AGPAT4: variants seen among roughly 807,000 people sequenced by gnomAD.
AGPAT4 encodes the protein 1-acylglycerol-3-phosphate O-acyltransferase 4.
A neutral mutation model predicts 48.0 loss-of-function variants in AGPAT4; 15 were observed. That is an observed-to-expected ratio of 0.31 (90% CI 0.21 to 0.48). The LOEUF is 0.48. Ranked by LOEUF, AGPAT4 falls within the 20% of genes least tolerant of loss-of-function variation. AGPAT4 has a pLI of 0.99. For synonymous variants in AGPAT4, 178 were observed against 198.7 expected (o/e 0.90, Z 0.88); for missense variants, 314 against 482.5 (o/e 0.65, Z 3.27).
intron 2 of AGPAT4, among the ~76,000 whole-genome samples, chr6:161,224,514 T>A (rs924774504): frequency 2.0e-5 from 3 of 151,586 alleles, no homozygotes; most frequent in African/African-American, 7.3e-5. Context: ...CGGTGGCACC[T>A]GTCTGTAATC....
chr6:161,151,320 C>A (rs1402802173), intron 5 of AGPAT4, among the ~76,000 whole-genome samples: 1 of 152,244 alleles, frequency 6.6e-6, no homozygotes, highest in East Asian at 1.9e-4. Flanking sequence ...GCGTACAGGG[C>A]CTGGCGTGCC....
At chr6:161,252,422 T>C (rs1231996482) in intron 1 of AGPAT4, among the ~76,000 whole-genome samples, 1 of 152,212 alleles carries the variant, frequency 6.6e-6, no homozygotes, top group African/African-American at 2.4e-5. Context: ...TCAAATATAT[T>C]ATAAATGAAT....
In AGPAT4 at chr6:161,164,822, C is replaced by T. The variant is rs528138172; in HGVS notation, c.348+1426G>A. Among the ~76,000 whole-genome samples, 1 of 152,262 alleles carries T rather than the reference C, an allele frequency of 6.6e-6. No homozygotes were observed. Among genetic ancestry groups the T allele is most frequent in the African/African-American group, 2.4e-5 (1 of 41,554 alleles). On this transcript the variant is annotated intron_variant, in intron 3 of 8. Transcript: ENST00000320285. This position sits in a 1 kb window ranked among gnomAD's most constrained non-coding sequence, Gnocchi z 7.4. ...TGCTCTACCTCAGAGACTCCTGGTC[C>T]ACGAATTATGAATGTTTGCACATTC... is the stretch of plus-strand genomic sequence containing the variant.
At chr6:161,188,438 G>T (rs563644305) in intron 2 of AGPAT4, among the ~76,000 whole-genome samples, 1 of 152,306 alleles carries the variant, frequency 6.6e-6, no homozygotes, top group African/African-American at 2.4e-5. Flanking sequence ...CTTGTTTCAA[G>T]TGAAACTTCC....
chr6:161,271,445 G>A (rs1215567951), intron 1 of AGPAT4, among the ~76,000 whole-genome samples: 1 of 152,190 alleles, frequency 6.6e-6, no homozygotes, highest in Non-Finnish European at 1.5e-5. Context: ...AAGCTTGAGA[G>A]CACAGACTAC....
In AGPAT4 at chr6:161,171,376, G is replaced by A. The variant is rs986355463; in HGVS notation, c.179-4959C>T. 1.3e-5 allele frequency among the ~76,000 whole-genome samples: 2 copies of A among 152,142 alleles called. No individual in the cohort carries two copies. ...GTCCAAAGTCAAGAGGGCTGCATCT[G>A]GCAAGGTCCTTCTTGCTGTGTCATC... On this transcript the variant is annotated intron_variant, in intron 2 of 8. Coordinates refer to ENST00000320285, the MANE Select transcript of AGPAT4 (RefSeq NM_020133.3). The surrounding 1 kb of genome is among the most constrained non-coding windows in gnomAD (Gnocchi z 4.4).
Position 161,139,378 on chromosome 6 carries a change from G to T in AGPAT4, c.1042+44C>A. 1 of 1,601,358 alleles carries T rather than the reference G, an allele frequency of 6.2e-7. No homozygotes were observed. On this transcript the variant is annotated intron_variant, in intron 8 of 8. Coordinates refer to ENST00000320285, the MANE Select transcript of AGPAT4 (RefSeq NM_020133.3). The surrounding 1 kb of genome is among the most constrained non-coding windows in gnomAD (Gnocchi z 9.1). Reference sequence around the variant, plus strand: ...CCCAGCCCTGATGCCACCTCTCCCAGGGTGGTGCTGTCAGCACCCACCAGC... The same window carrying T: ...CCCAGCCCTGATGCCACCTCTCCCATGGTGGTGCTGTCAGCACCCACCAGC...
At chr6:161,179,569 A>C (rs1480569721) in intron 2 of AGPAT4, among the ~76,000 whole-genome samples, 1 of 152,132 alleles carries the variant, frequency 6.6e-6, no homozygotes, top group African/African-American at 2.4e-5. Context: ...TTTCTACTAC[A>C]TTTGACCTTT....
At chr6:161,237,729 C>T (rs1012009428) in intron 1 of AGPAT4, among the ~76,000 whole-genome samples, 4 of 152,158 alleles carry the variant, frequency 2.6e-5, no homozygotes, top group African/African-American at 9.7e-5. Context: ...GGCTGATCTC[C>T]TTTTCTTCTC....
At position 161,240,716 on chromosome 6, in the gene AGPAT4, C is replaced by T. The variant is rs1407420672; in HGVS notation, c.-89-8414G>A. Among the ~76,000 whole-genome samples the T allele has an allele frequency of 6.6e-6, 1 of 152,134 alleles. No individual in the cohort carries two copies. The highest frequency in any genetic ancestry group is 1.5e-5 in the Non-Finnish European group (1 of 68,026). On this transcript the variant is annotated intron_variant, in intron 1 of 8. Transcript: ENST00000320285. The surrounding 1 kb of genome is among the most constrained non-coding windows in gnomAD (Gnocchi z 5.5). Reference sequence around the variant, plus strand: ...AAGGAGGGAGCTGGTGTCCAGCACACACTACATTCAGATTGCCAGCACTCC... The same window carrying T: ...AAGGAGGGAGCTGGTGTCCAGCACATACTACATTCAGATTGCCAGCACTCC...
chr6:161,186,187 C>T (rs1780763329), intron 2 of AGPAT4, among the ~76,000 whole-genome samples: 1 of 152,170 alleles, frequency 6.6e-6, no homozygotes, highest in African/African-American at 2.4e-5. Context: ...ACCCCCATGC[C>T]TCAGTCTCCT....
In AGPAT4 at chr6:161,246,856, T is replaced by A. The variant is rs1033476808; in HGVS notation, c.-89-14554A>T. ...TCTAGATGACCTAACATAATTTAAT[T>A]TTCATAGTGGTAACACTGAACTGTC... On this transcript the variant is annotated intron_variant, in intron 1 of 8. Transcript: ENST00000320285. This position sits in a 1 kb window ranked among gnomAD's most constrained non-coding sequence, Gnocchi z 5.5. Among the ~76,000 whole-genome samples the A allele has an allele frequency of 6.6e-6, 1 of 152,228 alleles. No individual in the cohort carries two copies. The highest frequency in any genetic ancestry group is 2.4e-5 in the African/African-American group (1 of 41,456).
rs902844848 is a variant in AGPAT4, at chr6:161,201,192, ATTGGAGGC to A, written c.178+30836_178+30843del. Among the ~76,000 whole-genome samples the A allele has an allele frequency of 8.5e-5, 13 of 152,074 alleles. No individual in the cohort carries two copies. The highest frequency in any genetic ancestry group is 2.9e-4 in the African/African-American group (12 of 41,398). On this transcript the variant is annotated intron_variant, in intron 2 of 8. Coordinates refer to ENST00000320285, the MANE Select transcript of AGPAT4 (RefSeq NM_020133.3). The surrounding 1 kb of genome is among the most constrained non-coding windows in gnomAD (Gnocchi z 6.0). ...AAAATGAGCTGGCAGGGGAGTGGGG[ATTGGAGGC>A]TGTTCAAGAGAGACTTAATTCTGTA...
chr6:161,155,660 T>C lies in AGPAT4; in HGVS notation c.349-1350A>G, dbSNP rs1779748332. ...TGATGGAGTTTGTTTTTCACACAAATCCAACATGCAGATTCTCTCCAAGAA... is the reference window on the plus strand; with the variant it reads ...TGATGGAGTTTGTTTTTCACACAAACCCAACATGCAGATTCTCTCCAAGAA... On this transcript the variant is annotated intron_variant, in intron 3 of 8. Transcript: ENST00000320285. The surrounding 1 kb of genome is among the most constrained non-coding windows in gnomAD (Gnocchi z 5.8). Among the ~76,000 whole-genome samples, 2 of 152,188 alleles carry C rather than the reference T, an allele frequency of 1.3e-5. No individual in the cohort carries two copies. Among genetic ancestry groups the C allele is most frequent in the African/African-American group, 4.8e-5 (2 of 41,452 alleles).
chr6:161,239,116 G>A (rs1271220210), intron 1 of AGPAT4, among the ~76,000 whole-genome samples: 1 of 152,200 alleles, frequency 6.6e-6, no homozygotes, highest in East Asian at 1.9e-4. Flanking sequence ...AAGTTCTACA[G>A]ACACAGACAG....
At chr6:161,263,216 A>G (rs1013999076) in intron 1 of AGPAT4, among the ~76,000 whole-genome samples, 1 of 136,588 alleles carries the variant, frequency 7.3e-6, no homozygotes, top group Admixed American at 7.4e-5. Context: ...GGAAAGCTAT[A>G]TAGAAGCTGC....
Position 161,238,992 on chromosome 6 carries a change from T to A in AGPAT4, c.-89-6690A>T, listed in dbSNP as rs1014788958. 5.3e-5 allele frequency among the ~76,000 whole-genome samples: 8 copies of A among 152,216 alleles called. No individual in the cohort carries two copies. Among genetic ancestry groups the A allele is most frequent in the Non-Finnish European group, 1.2e-4 (8 of 68,046 alleles). ...TAAATTACCCAGTCTCGAGTATGTC[T>A]TTATTAGCTGTGTGAGAATAGACTA... On this transcript the variant is annotated intron_variant, in intron 1 of 8. Transcript: ENST00000320285. The surrounding 1 kb of genome is among the most constrained non-coding windows in gnomAD (Gnocchi z 5.2).
rs1562346886 is a variant in AGPAT4 at position 161,226,470 on chromosome 6, T to TG, written c.178+5565dup. Reference sequence around the variant, plus strand: ...GGAAAAGCCACAGCGACACTCTCTTTGGGGGATCAACAGCTTTCTTATCGA... The same window carrying TG: ...GGAAAAGCCACAGCGACACTCTCTTTGGGGGGATCAACAGCTTTCTTATCGA... On this transcript the variant is annotated intron_variant, in intron 2 of 8. Coordinates refer to ENST00000320285, the MANE Select transcript of AGPAT4 (RefSeq NM_020133.3). This position sits in a 1 kb window ranked among gnomAD's most constrained non-coding sequence, Gnocchi z 6.3. Among the ~76,000 whole-genome samples, 1 of 152,138 alleles carries TG rather than the reference T, an allele frequency of 6.6e-6. No individual in the cohort carries two copies. Among genetic ancestry groups the TG allele is most frequent in the African/African-American group, 2.4e-5 (1 of 41,438 alleles).
chr6:161,198,119 G>A lies in AGPAT4; in HGVS notation c.179-31702C>T, dbSNP rs945008572. Among the ~76,000 whole-genome samples, 1 of 151,796 alleles carries A rather than the reference G, an allele frequency of 6.6e-6. No individual in the cohort carries two copies. Among genetic ancestry groups the A allele is most frequent in the Admixed American group, 6.6e-5 (1 of 15,256 alleles). On this transcript the variant is annotated intron_variant, in intron 2 of 8. Coordinates refer to ENST00000320285, the MANE Select transcript of AGPAT4 (RefSeq NM_020133.3). This position sits in a 1 kb window ranked among gnomAD's most constrained non-coding sequence, Gnocchi z 4.3. ...CCATAATAAAGAACACATGTCTATT[G>A]TACTAACTAATATGCTTATTGATGA...
Sources: gnomAD v4.1 joint callset for allele counts (sites outside exome capture counted in the v4.1 genomes callset) on GRCh38, gnomAD v4.1.1 for gene constraint, Gnocchi (gnomAD v3.1) non-coding constraint, MANE v1.5 for transcripts, NCBI Gene and HGNC (gene_info 2026-07-23, HGNC 2026-07-21) for gene names.